The following NCOA3 variants were observed in gnomAD, a reference collection of about 807,000 sequenced individuals.
NCOA3 encodes nuclear receptor coactivator 3, also known as CBP-interacting protein.
In NCOA3, 51 loss-of-function variants were observed where a neutral mutation model predicts 158.8. The observed-to-expected ratio is 0.32, with a 90% CI of 0.26 to 0.41. The LOEUF is 0.41. Ranked by LOEUF, NCOA3 falls within the 10% of genes least tolerant of loss-of-function variation. The pLI is 1.00. For synonymous variants in NCOA3, 537 were observed against 592.4 expected, an observed-to-expected ratio of 0.91 and a Z score of 1.36; for missense variants, 1,510 against 1,746.6, an observed-to-expected ratio of 0.86 and a Z score of 2.41.
At chr20:47,602,849 GTTTC>G (rs2085884378) in intron 2 of NCOA3, among the ~76,000 whole-genome samples, 2 of 152,078 alleles carry the variant, frequency 1.3e-5, no homozygotes, top group South Asian at 4.1e-4. Flanking sequence ...AGAAGCCTGA[GTTTC>G]TTTCCATTTT....
chr20:47,583,089 CGGCT>C (rs1435480509), intron 1 of NCOA3, 90 bp from the exon 2 acceptor site: 5 of 396,386 alleles, frequency 1.3e-5, no homozygotes, highest in Non-Finnish European at 2.2e-5. Flanking sequence ...CCACCACGCC[CGGCT>C]GGAAGACTTA....
chr20:47,525,540 G>T (rs1482686633), intron 1 of NCOA3, among the ~76,000 whole-genome samples: 1 of 145,198 alleles, frequency 6.9e-6, no homozygotes, highest in Admixed American at 6.8e-5. Flanking sequence ...CCTCCTGGAC[G>T]GGGCGGCTGG....
chr20:47,502,466 G>C (rs1185550639), intron 1 of NCOA3, among the ~76,000 whole-genome samples: 1 of 152,140 alleles, frequency 6.6e-6, no homozygotes, highest in Non-Finnish European at 1.5e-5. Context: ...AAGCCGCGGG[G>C]ACCCCCCCCA....
At chr20:47,601,547 CTAA>C (rs1255359579) in intron 2 of NCOA3, among the ~76,000 whole-genome samples, 1 of 152,146 alleles carries the variant, frequency 6.6e-6, no homozygotes, top group Admixed American at 6.5e-5. Context: ...GCTCAATAAT[CTAA>C]TAAAAGGTGA....
intron 1 of NCOA3, among the ~76,000 whole-genome samples, chr20:47,523,410 T>A (rs2084377821): frequency 1.3e-5 from 2 of 152,108 alleles, no homozygotes; most frequent in African/African-American, 4.8e-5. Flanking sequence ...TGTGGTTCAG[T>A]TTATGGCACC....
intron 2 of NCOA3, among the ~76,000 whole-genome samples, chr20:47,591,172 T>C (rs542642669): frequency 6.6e-6 from 1 of 152,282 alleles, no homozygotes; most frequent in East Asian, 1.9e-4. Flanking sequence ...AAACAACTGG[T>C]TAAATTTCTG....
chr20:47,542,287 G>A (rs1000844762), intron 1 of NCOA3, among the ~76,000 whole-genome samples: 1 of 150,678 alleles, frequency 6.6e-6, no homozygotes, highest in Admixed American at 6.6e-5. Context: ...TGATTGTCCT[G>A]TCTTGGCCTC....
chr20:47,534,856 A>G (rs1331243441), intron 1 of NCOA3, among the ~76,000 whole-genome samples: 1 of 151,602 alleles, frequency 6.6e-6, no homozygotes, highest in East Asian at 1.9e-4. Context: ...TGGAAGTTGC[A>G]GTGAGTAGAG....
chr20:47,615,158 T>C (rs1341555246), intron 2 of NCOA3, among the ~76,000 whole-genome samples: 1 of 152,234 alleles, frequency 6.6e-6, no homozygotes, highest in Non-Finnish European at 1.5e-5. Flanking sequence ...TAGTAATACA[T>C]ACTCTGGAGG....
chr20:47,532,359 GTGTT>G (rs1276476345), intron 1 of NCOA3, among the ~76,000 whole-genome samples: 1 of 152,156 alleles, frequency 6.6e-6, no homozygotes, highest in Admixed American at 6.6e-5. Flanking sequence ...TTGGAGCACA[GTGTT>G]TGGAGGACAG....
intron 1 of NCOA3, among the ~76,000 whole-genome samples, chr20:47,515,337 A>G (rs2084214829): frequency 1.3e-5 from 2 of 151,366 alleles, no homozygotes; most frequent in Admixed American, 1.3e-4. Context: ...TAATTTTGGT[A>G]TTTTTAGTAG....
At chr20:47,646,355 A>G (rs1298968810) in intron 17 of NCOA3, among the ~76,000 whole-genome samples, 1 of 152,134 alleles carries the variant, frequency 6.6e-6, no homozygotes, top group Non-Finnish European at 1.5e-5. Context: ...TGAGTGTGGA[A>G]CCATGGATAT....
intron 1 of NCOA3, among the ~76,000 whole-genome samples, chr20:47,504,948 T>C (rs1414603149): frequency 2.0e-5 from 3 of 148,924 alleles, no homozygotes; most frequent in Non-Finnish European, 3.0e-5. Flanking sequence ...ATTTAAAAAC[T>C]CTGCTATTGT....
In NCOA3 at chr20:47,637,650, A is replaced by G. The variant is rs1468318352; in HGVS notation, c.2379A>G (p.Gly793=). The G allele has an allele frequency of 1.9e-6, 3 of 1,603,004 alleles. No individual in the cohort carries two copies. Among genetic ancestry groups the G allele is most frequent in the Non-Finnish European group, 2.6e-6 (3 of 1,176,026 alleles). ...AATTTTTAAAACTTTATTTTCAGGGATCTGGAGACTTGGATAATCTAGATG... is the reference window on the plus strand; with the variant it reads ...AATTTTTAAAACTTTATTTTCAGGGGTCTGGAGACTTGGATAATCTAGATG... The part of the protein sequence containing the change: ...PKIKTETSEE[G]SGDLDNLDAI... Residue 793 remains glycine (G), a splice_region_variant and synonymous_variant, in exon 13 of 23, where the codon GGA becomes GGG. Transcript: ENST00000371998.
At chr20:47,620,489 G>C in intron 2 of NCOA3, among the ~76,000 whole-genome samples, 1 of 152,110 alleles carries the variant, frequency 6.6e-6, no homozygotes, top group Admixed American at 6.5e-5. Flanking sequence ...TTAAAGCAAG[G>C]TTGCAAGAAA....
chr20:47,559,941 T>G (rs192655150), intron 1 of NCOA3, among the ~76,000 whole-genome samples: 1 of 152,086 alleles, frequency 6.6e-6, no homozygotes, highest in East Asian at 1.9e-4. Flanking sequence ...CGTGAGCCAC[T>G]GCACTGGCCA....
chr20:47,613,403 G>A (rs1469781252), intron 2 of NCOA3, among the ~76,000 whole-genome samples: 1 of 146,292 alleles, frequency 6.8e-6, no homozygotes, highest in Admixed American at 6.9e-5. Flanking sequence ...TAGCCTGAGA[G>A]TTCTAGTAAT....
chr20:47,551,696 CAT>C (rs994970775), intron 1 of NCOA3, among the ~76,000 whole-genome samples: 2 of 152,054 alleles, frequency 1.3e-5, no homozygotes, highest in African/African-American at 4.8e-5. Flanking sequence ...AAATTTTAAA[CAT>C]GTATTTTTTA....
chr20:47,567,086 T>C (rs1378072385), intron 1 of NCOA3, among the ~76,000 whole-genome samples: 1 of 151,900 alleles, frequency 6.6e-6, no homozygotes, highest in Non-Finnish European at 1.5e-5. Context: ...TCTTGCTCTG[T>C]CACCAGGCTG....
Sources: allele counts gnomAD v4.1 joint callset (sites outside exome capture counted in the v4.1 genomes callset), GRCh38; gene constraint gnomAD v4.1.1; transcripts MANE v1.5; gene names NCBI Gene and HGNC (gene_info 2026-07-23, HGNC 2026-07-21).